CEP97: variants seen among roughly 807,000 people sequenced by gnomAD.
The protein encoded by CEP97 is centrosomal protein of 97 kDa.
A neutral mutation model predicts 73.1 loss-of-function variants in CEP97; 43 were observed. The observed-to-expected ratio is 0.59, with a 90% CI of 0.46 to 0.76. The LOEUF is 0.76. Ranked by LOEUF, CEP97 falls within the 30% of genes least tolerant of loss-of-function variation. The probability of loss-of-function intolerance (pLI) is 0.00; values close to 1 mark genes in which losing one functional copy is unlikely to be tolerated. For missense variants in CEP97, 939 were observed against 1,014.0 expected (o/e 0.93, Z 1.00); for synonymous variants, 337 against 370.0 (o/e 0.91, Z 1.02).
chr3:101,767,239 T>C lies in CEP97; in HGVS notation c.*1688T>C, dbSNP rs1169398894. ...TTGAAAAGGAAATATTTTCTGTTTC[T>C]TATAAATAAAAGAGTAATCTTACTT... On this transcript the variant is annotated 3_prime_UTR_variant, in exon 11 of 11. Coordinates refer to ENST00000341893, the MANE Select transcript of CEP97 (RefSeq NM_024548.4). 6.6e-6 allele frequency: 1 copy of C among 152,236 alleles called. No individual in the cohort carries two copies. The highest frequency in any genetic ancestry group is 2.4e-5 in the African/African-American group (1 of 41,468). The allele number at this position is 152,236 out of a possible 1,614,324, so 9.4% of individuals were successfully genotyped here. A position where few individuals can be genotyped will look rare whatever the true frequency, so the allele number is the denominator to read the frequency against.
chr3:101,724,873 T>C (rs1285703784), intron 1 of CEP97, among the ~76,000 whole-genome samples, 154 bp downstream of exon 1: 3 of 151,988 alleles, frequency 2.0e-5, no homozygotes, highest in Admixed American at 2.0e-4. Flanking sequence ...CCTCTGGGAG[T>C]TGTAGTTCAC....
At chr3:101,729,496 C>CA (rs1490405089) in intron 4 of CEP97, among the ~76,000 whole-genome samples, 1 of 152,098 alleles carries the variant, frequency 6.6e-6, no homozygotes, top group African/African-American at 2.4e-5. Flanking sequence ...CCTGTATGCC[C>CA]AATCAACCAA....
rs1939072725 is a variant in CEP97 at position 101,758,224 on chromosome 3, A to G, written c.1618A>G (p.Ile540Val). Residue 540 changes from isoleucine to valine, a missense_variant, in exon 9 of 11, where the codon ATT becomes GTT. Coordinates refer to ENST00000341893, the MANE Select transcript of CEP97 (RefSeq NM_024548.4). ...AGCAACTTCAGAGAAACTTCCCATG[A>G]TTTTAACCCAGAGATCTGTTGCTTT... ...SQATSEKLPM[I>V]LTQRSVALGQ... 6.2e-7 allele frequency: 1 copy of G among 1,614,230 alleles called. No homozygotes were observed. The highest frequency in any genetic ancestry group is 1.3e-5 in the African/African-American group (1 of 75,070).
chr3:101,763,200 C>A, intron 10 of CEP97: 1 of 1,235,250 alleles, frequency 8.1e-7, no homozygotes, highest in East Asian at 5.9e-5. Context: ...AGCCACATCA[C>A]CTGGCCAAAT....
At chr3:101,763,564 A>G (rs1391996211) in intron 10 of CEP97, among the ~76,000 whole-genome samples, 4 of 152,160 alleles carry the variant, frequency 2.6e-5, no homozygotes, top group African/African-American at 9.7e-5. Context: ...GATATGCATC[A>G]AGTTGCTGTC....
intron 7 of CEP97, among the ~76,000 whole-genome samples, chr3:101,756,160 A>T (rs1938999148): frequency 6.6e-6 from 1 of 151,536 alleles, no homozygotes; most frequent in Non-Finnish European, 1.5e-5. Flanking sequence ...TCCCAGTTCA[A>T]ATGATTCTCG....
At position 101,770,489 on chromosome 3, in the gene CEP97, T is replaced by C. The variant is rs1041618869; in HGVS notation, c.*4938T>C. Reference sequence around the variant, plus strand: ...GGTTATGATGTGTTTTATGAAGGCTTACTATTTTATATTGTACTTATTTAA... The same window carrying C: ...GGTTATGATGTGTTTTATGAAGGCTCACTATTTTATATTGTACTTATTTAA... On this transcript the variant is annotated 3_prime_UTR_variant, in exon 11 of 11. Transcript: ENST00000341893. The C allele has an allele frequency of 3.9e-5, 6 of 152,258 alleles. No individual in the cohort carries two copies. The highest frequency in any genetic ancestry group is 7.3e-5 in the Non-Finnish European group (5 of 68,046). The allele number at this position is 152,258 out of a possible 1,614,324, so 9.4% of individuals were successfully genotyped here. A position where few individuals can be genotyped will look rare whatever the true frequency, so the allele number is the denominator to read the frequency against.
intron 6 of CEP97, among the ~76,000 whole-genome samples, chr3:101,746,823 A>G (rs1400858036): frequency 6.7e-6 from 1 of 149,912 alleles, no homozygotes; most frequent in African/African-American, 2.4e-5. Flanking sequence ...AACTCAAACA[A>G]ATTTACAAGA....
chr3:101,762,028 G>A (rs1681234144), intron 9 of CEP97, among the ~76,000 whole-genome samples: 1 of 152,144 alleles, frequency 6.6e-6, no homozygotes, highest in South Asian at 2.1e-4. Context: ...TTTAGCAGAG[G>A]GTGTTTCAAG....
chr3:101,756,011 G>A (rs1211762874), intron 7 of CEP97, among the ~76,000 whole-genome samples: 2 of 151,720 alleles, frequency 1.3e-5, no homozygotes, highest in Non-Finnish European at 2.9e-5. Context: ...AGGATAATAG[G>A]TATGAGCTAC....
At chr3:101,744,291 G>GA (rs900864727) in intron 6 of CEP97, among the ~76,000 whole-genome samples, 17 of 144,792 alleles carry the variant, frequency 1.2e-4, no homozygotes, top group South Asian at 2.2e-4. Flanking sequence ...CTCAAAAAAA[G>GA]AAAAAAAAAA....
At chr3:101,727,905 G>T (rs190807387) in intron 3 of CEP97, among the ~76,000 whole-genome samples, 1 of 152,224 alleles carries the variant, frequency 6.6e-6, no homozygotes, top group Admixed American at 6.5e-5. Context: ...CTTAGTAACT[G>T]TGTAATTTTG....
At chr3:101,738,653 C>T (rs1938355735) in intron 6 of CEP97, among the ~76,000 whole-genome samples, 1 of 152,148 alleles carries the variant, frequency 6.6e-6, no homozygotes, top group African/African-American at 2.4e-5. Context: ...AAAGACACAA[C>T]ATCCCAGAAT....
At chr3:101,754,556 A>G (rs1220954805) in intron 6 of CEP97, among the ~76,000 whole-genome samples, 1 of 152,138 alleles carries the variant, frequency 6.6e-6, no homozygotes, top group Admixed American at 6.6e-5. Flanking sequence ...TGCTGTGCTG[A>G]CTGAGCAGTT....
chr3:101,761,993 A>C (rs1048995386), intron 9 of CEP97, among the ~76,000 whole-genome samples: 1 of 152,164 alleles, frequency 6.6e-6, no homozygotes, highest in South Asian at 2.1e-4. Flanking sequence ...GGGAAACAGA[A>C]TAGTGAAGTT....
At chr3:101,737,058 T>C (rs1439576162) in intron 6 of CEP97, among the ~76,000 whole-genome samples, 1 of 152,132 alleles carries the variant, frequency 6.6e-6, no homozygotes, top group Non-Finnish European at 1.5e-5. Flanking sequence ...CAAGTATCAA[T>C]AGTCGATTTG....
chr3:101,742,960 C>T (rs899863971), intron 6 of CEP97, among the ~76,000 whole-genome samples: 1 of 152,016 alleles, frequency 6.6e-6, no homozygotes. Context: ...AGGAAGAGAG[C>T]ATGGCCGCAC....
intron 6 of CEP97, among the ~76,000 whole-genome samples, chr3:101,746,937 A>G (rs572665575): frequency 1.2e-3 from 182 of 149,296 alleles, no homozygotes; most frequent in East Asian, 2.2e-3. Context: ...AATGCTCACC[A>G]TCACTGGCCA....
At chr3:101,760,741 A>G (rs917480607) in intron 9 of CEP97, among the ~76,000 whole-genome samples, 3 of 152,042 alleles carry the variant, frequency 2.0e-5, no homozygotes, top group African/African-American at 4.8e-5. Context: ...GATGAAGTCT[A>G]TGTTGCCCAT....
Sources: gnomAD v4.1 joint callset for allele counts (sites outside exome capture counted in the v4.1 genomes callset) on GRCh38, gnomAD v4.1.1 for gene constraint, MANE v1.5 for transcripts, NCBI Gene and HGNC (gene_info 2026-07-23, HGNC 2026-07-21) for gene names.